The following CDH13 variants were observed in gnomAD, a reference collection of about 807,000 sequenced individuals.
The protein encoded by CDH13 is cadherin-13.
Under a neutral mutation model 63.8 loss-of-function variants are expected in CDH13, and 24 were observed. That is an observed-to-expected ratio of 0.38 (90% CI 0.27 to 0.53). CDH13 has a LOEUF of 0.53. Among genes scored for constraint, CDH13 ranks in the 20% least tolerant of loss-of-function variants. The pLI is 0.85. For synonymous variants in CDH13, 503 were observed against 355.3 expected (o/e 1.42, Z -4.67); for missense variants, 1,049 against 903.1 (o/e 1.16, Z -2.07).
intron 6 of CDH13, among the ~76,000 whole-genome samples, chr16:83,370,305 G>A (rs1468816120): frequency 6.6e-6 from 1 of 150,964 alleles, no homozygotes; most frequent in Non-Finnish European, 1.5e-5. Context: ...GGAGAATGGT[G>A]TGAACCCGGG....
chr16:82,643,689 G>T (rs1011172645), intron 1 of CDH13, among the ~76,000 whole-genome samples: 2 of 152,152 alleles, frequency 1.3e-5, no homozygotes, highest in South Asian at 2.1e-4. Flanking sequence ...GCCTACCCTG[G>T]TGTAGAGTTC....
At position 83,759,888 on chromosome 16, in the gene CDH13, A is replaced by G. The variant is rs898269314; in HGVS notation, c.1681+11638A>G. ...GGCTGCAGTGAGCCATGATCACACC[A>G]CTGCACTCCAGCATGGAGGACAGAG... On this transcript the variant is annotated intron_variant, in intron 11 of 13. Coordinates refer to ENST00000567109, the MANE Select transcript of CDH13 (RefSeq NM_001257.5). 2.9e-5 allele frequency among the ~76,000 whole-genome samples: 4 copies of G among 139,774 alleles called. No individual in the cohort carries two copies. The South Asian group carries it at 9.1e-4, about 32-fold the overall frequency. The allele number at this position is 139,774 out of a possible 152,430, so 91.7% of individuals were successfully genotyped here. A position where few individuals can be genotyped will look rare whatever the true frequency, so the allele number is the denominator to read the frequency against.
At chr16:82,859,895 C>G (rs2039867840) in intron 2 of CDH13, among the ~76,000 whole-genome samples, 1 of 152,218 alleles carries the variant, frequency 6.6e-6, no homozygotes. Flanking sequence ...CCAATGAAAT[C>G]ATTTCAATAA....
chr16:83,474,915 G>T (rs1003894748), intron 6 of CDH13, among the ~76,000 whole-genome samples: 2 of 152,202 alleles, frequency 1.3e-5, no homozygotes, highest in African/African-American at 2.4e-5. Flanking sequence ...AGCCGGTGCA[G>T]TTCTGGGGCC....
In CDH13 at chr16:83,047,250, T is replaced by TTTA. The variant is rs1048952534; in HGVS notation, c.366+15035_366+15037dup. 1.3e-5 allele frequency among the ~76,000 whole-genome samples: 2 copies of TTTA among 152,062 alleles called. No individual in the cohort carries two copies. Among genetic ancestry groups the TTTA allele is most frequent in the African/African-American group, 2.4e-5 (1 of 41,416 alleles). On this transcript the variant is annotated intron_variant, in intron 3 of 13. Transcript: ENST00000567109. This position sits in a 1 kb window ranked among gnomAD's most constrained non-coding sequence, Gnocchi z 4.9. ...AGAGGCCTGTGTATTTATTTATTTA[T>TTTA]TTATTTTTTTGGTAAAGGCCTCTGC...
At chr16:83,276,702 C>T (rs1256411374) in intron 5 of CDH13, among the ~76,000 whole-genome samples, 1 of 151,992 alleles carries the variant, frequency 6.6e-6, no homozygotes, top group Non-Finnish European at 1.5e-5. Context: ...AACCCTGTCT[C>T]TACTAAAAAT....
At chr16:83,132,445 A>ACCC (rs1187699429) in intron 4 of CDH13, among the ~76,000 whole-genome samples, 6 of 22,204 alleles carry the variant, frequency 2.7e-4, no homozygotes, top group Non-Finnish European at 3.3e-4. Flanking sequence ...ACCCCCCAAC[A>ACCC]CCCCCCCCTT....
At chr16:82,862,237 A>C (rs1331858261) in intron 2 of CDH13, among the ~76,000 whole-genome samples, 1 of 152,212 alleles carries the variant, frequency 6.6e-6, no homozygotes. Context: ...TGGTTACATC[A>C]TGACACCCAG....
intron 4 of CDH13, among the ~76,000 whole-genome samples, chr16:83,140,692 T>G (rs2036492389): frequency 6.6e-6 from 1 of 152,182 alleles, no homozygotes; most frequent in Admixed American, 6.5e-5. Flanking sequence ...TGACCTCAGG[T>G]GATCCACCCG....
intron 2 of CDH13, among the ~76,000 whole-genome samples, chr16:83,007,696 T>C (rs775708274): frequency 5.9e-5 from 9 of 151,890 alleles, no homozygotes; most frequent in Non-Finnish European, 1.0e-4. Flanking sequence ...GGGTGGCTTG[T>C]GCCTGTAGTC....
chr16:83,537,198 C>G (rs1443862456), intron 7 of CDH13, among the ~76,000 whole-genome samples: 1 of 152,160 alleles, frequency 6.6e-6, no homozygotes, highest in Non-Finnish European at 1.5e-5. Flanking sequence ...GATGCTCTAT[C>G]TACAAAGAAG....
intron 6 of CDH13, among the ~76,000 whole-genome samples, chr16:83,418,379 C>T (rs138450555): frequency 6.6e-6 from 1 of 152,222 alleles, no homozygotes; most frequent in Non-Finnish European, 1.5e-5. Flanking sequence ...CCATAGGAAG[C>T]ATGAGATTTT....
At chr16:82,811,943 GGA>G (rs1197495347) in intron 1 of CDH13, among the ~76,000 whole-genome samples, 1 of 152,070 alleles carries the variant, frequency 6.6e-6, no homozygotes, top group Non-Finnish European at 1.5e-5. Context: ...TGAGTATCAT[GGA>G]AATATTAAAA....
Position 82,644,072 on chromosome 16 carries a change from C to G in CDH13, c.45+16935C>G, listed in dbSNP as rs570670642. On this transcript the variant is annotated intron_variant, in intron 1 of 13. Transcript: ENST00000567109. The surrounding 1 kb of genome is among the most constrained non-coding windows in gnomAD (Gnocchi z 5.7). ...TTAGGATGGGGGGTGGTATGGAGGT[C>G]GGGTGGGGAGAAAGAGGAGAGAAAT... Among the ~76,000 whole-genome samples the G allele has an allele frequency of 7.9e-5, 12 of 151,894 alleles. No individual in the cohort carries two copies. The East Asian group carries it at 1.9e-3, about 24-fold the overall frequency.
At chr16:83,712,615 A>G (rs968789741) in intron 10 of CDH13, among the ~76,000 whole-genome samples, 1 of 152,230 alleles carries the variant, frequency 6.6e-6, no homozygotes, top group African/African-American at 2.4e-5. Context: ...AGCAAGGCAA[A>G]GAGGCCTGGT....
intron 6 of CDH13, among the ~76,000 whole-genome samples, chr16:83,425,492 G>T (rs1042163311): frequency 1.3e-5 from 2 of 152,246 alleles, no homozygotes; most frequent in Non-Finnish European, 2.9e-5. Flanking sequence ...TCACAGAGAA[G>T]ATGATCCAGT....
intron 2 of CDH13, among the ~76,000 whole-genome samples, chr16:82,950,122 G>C (rs900928973): frequency 6.6e-6 from 1 of 152,138 alleles, no homozygotes; most frequent in African/African-American, 2.4e-5. Context: ...CTCTTCTAGA[G>C]GCTGGAAGTC....
At chr16:82,666,669 C>T (rs1912624397) in intron 1 of CDH13, among the ~76,000 whole-genome samples, 1 of 152,176 alleles carries the variant, frequency 6.6e-6, no homozygotes. Flanking sequence ...GTAACTGAGG[C>T]ACGAAGAACA....
intron 5 of CDH13, among the ~76,000 whole-genome samples, chr16:83,231,453 G>A (rs761276587): frequency 3.3e-5 from 5 of 152,182 alleles, no homozygotes; most frequent in Admixed American, 2.0e-4. Context: ...AGCATAGATT[G>A]CACATGGAGT....
Sources: gnomAD v4.1 joint callset for allele counts (sites outside exome capture counted in the v4.1 genomes callset) on GRCh38, gnomAD v4.1.1 for gene constraint, Gnocchi (gnomAD v3.1) non-coding constraint, MANE v1.5 for transcripts, NCBI Gene and HGNC (gene_info 2026-07-23, HGNC 2026-07-21) for gene names.